Variants in SPRING1 observed in about 807,000 individuals in gnomAD.
SPRING1 encodes the protein SREBP regulating gene protein.
In SPRING1, 14 loss-of-function variants were observed where a neutral mutation model predicts 24.7. The ratio of observed to expected loss-of-function variants is 0.57; its 90% confidence interval spans 0.37 to 0.88. The LOEUF is 0.88. SPRING1 is among the 40% of genes least tolerant of loss of function. The pLI is 0.00. For synonymous variants in SPRING1, 93 were observed against 106.1 expected, an observed-to-expected ratio of 0.88 and a Z score of 0.76; for missense variants, 255 against 268.4, an observed-to-expected ratio of 0.95 and a Z score of 0.35.
In SPRING1 at chr12:116,737,938, A is replaced by C. The variant is rs1871365795; in HGVS notation, c.-38T>G. ...GTGGGGCGCGGCGGCCGGGGCGCGG[A>C]ACGCGGCAGGCCCGGGTCCCGGGCG... On this transcript the variant is annotated 5_prime_UTR_variant, in exon 1 of 5. Coordinates refer to ENST00000261318, the MANE Select transcript of SPRING1 (RefSeq NM_024738.4). 2 of 1,428,914 alleles carry C rather than the reference A, an allele frequency of 1.4e-6. No individual in the cohort carries two copies. Among genetic ancestry groups the C allele is most frequent in the Admixed American group, 2.9e-5 (1 of 34,910 alleles). 88.5% of individuals were successfully genotyped at this position (1,428,914 alleles called of 1,614,324 possible).
chr12:116,713,105 ACCAT>A lies in SPRING1; in HGVS notation c.*4701_*4704del, dbSNP rs1869944707. ...TTCTGTGTCGTGGGGGCTGTTGGGCACCATCCCTGGCCTCCCTCCACGAGTGCCC... is the reference window on the plus strand; with the variant it reads ...TTCTGTGTCGTGGGGGCTGTTGGGCACCCTGGCCTCCCTCCACGAGTGCCC... On this transcript the variant is annotated 3_prime_UTR_variant, in exon 5 of 5. Transcript: ENST00000261318. 6.6e-6 allele frequency: 1 copy of A among 152,120 alleles called. No homozygotes were observed. Among genetic ancestry groups the A allele is most frequent in the Admixed American group, 6.6e-5 (1 of 15,264 alleles). 9.4% of individuals were successfully genotyped at this position (152,120 alleles called of 1,614,324 possible). A position where few individuals can be genotyped will look rare whatever the true frequency, so the allele number is the denominator to read the frequency against.
chr12:116,728,660 A>G lies in SPRING1; in HGVS notation c.112-5437T>C, dbSNP rs945511113. Among the ~76,000 whole-genome samples, 1 of 152,238 alleles carries G rather than the reference A, an allele frequency of 6.6e-6. No individual in the cohort carries two copies. Among genetic ancestry groups the G allele is most frequent in the African/African-American group, 2.4e-5 (1 of 41,464 alleles). On this transcript the variant is annotated intron_variant, in intron 1 of 4. Coordinates refer to ENST00000261318, the MANE Select transcript of SPRING1 (RefSeq NM_024738.4). This position sits in a 1 kb window ranked among gnomAD's most constrained non-coding sequence, Gnocchi z 4.2. ...TCTCACCGCAGCGGAGCTAAGGTGC[A>G]CGGGGAGCTTCACAGTGTTCATAGC...
At chr12:116,734,395 A>G (rs568498129) in intron 1 of SPRING1, among the ~76,000 whole-genome samples, 1 of 152,206 alleles carries the variant, frequency 6.6e-6, no homozygotes, top group Non-Finnish European at 1.5e-5. Flanking sequence ...TGAGCGACGC[A>G]TGACTATAAT....
intron 1 of SPRING1, among the ~76,000 whole-genome samples, chr12:116,724,072 G>A (rs931038625): frequency 2.0e-5 from 3 of 152,074 alleles, no homozygotes; most frequent in African/African-American, 4.8e-5. Context: ...TCTTCTGAAC[G>A]CTTCAGTAAG....
At chr12:116,731,355 G>T (rs910668834) in intron 1 of SPRING1, among the ~76,000 whole-genome samples, 3 of 152,134 alleles carry the variant, frequency 2.0e-5, no homozygotes, top group Non-Finnish European at 1.5e-5. Context: ...TCGTTATTCT[G>T]AAAAGAATTC....
chr12:116,719,537 G>A (rs757030376), intron 4 of SPRING1, among the ~76,000 whole-genome samples: 2 of 152,180 alleles, frequency 1.3e-5, no homozygotes, highest in Non-Finnish European at 2.9e-5. Context: ...TAGAAGAGAT[G>A]CCAGTTGATT....
At position 116,720,493 on chromosome 12, in the gene SPRING1, A is replaced by G. The variant is rs764079620; in HGVS notation, c.269-46T>C. ...TTAGCATAAAACCAGCAGCCTTGCC[A>G]CCTCCCTACCAGGGATGACCATGAA... is the stretch of plus-strand genomic sequence containing the variant. On this transcript the variant is annotated intron_variant, in intron 2 of 4. Transcript: ENST00000261318. The surrounding 1 kb of genome is among the most constrained non-coding windows in gnomAD (Gnocchi z 4.0). The G allele has an allele frequency of 1.2e-6, 2 of 1,603,124 alleles. No homozygotes were observed. Among genetic ancestry groups the G allele is most frequent in the Admixed American group, 3.4e-5 (2 of 59,216 alleles).
At chr12:116,736,754 C>T (rs1167647862) in intron 1 of SPRING1, among the ~76,000 whole-genome samples, 1 of 152,132 alleles carries the variant, frequency 6.6e-6, no homozygotes, top group African/African-American at 2.4e-5. Flanking sequence ...GGTAAGATTT[C>T]CCCACCCGTG....
intron 1 of SPRING1, among the ~76,000 whole-genome samples, chr12:116,731,778 TA>T (rs912617094): frequency 6.6e-6 from 1 of 150,856 alleles, no homozygotes. Flanking sequence ...AAAACCAAGT[TA>T]AAAAAAAACC....
At chr12:116,737,694 A>C in intron 1 of SPRING1, 96 bp downstream of exon 1, 3 of 1,314,256 alleles carry the variant, frequency 2.3e-6, no homozygotes, top group Non-Finnish European at 3.0e-6. Context: ...GGAAGGAAAA[A>C]AGGAGGAAGG....
At chr12:116,725,885 C>CA (rs562256866) in intron 1 of SPRING1, among the ~76,000 whole-genome samples, 2,622 of 122,256 alleles carry the variant, frequency 0.021, 25 homozygotes, top group Middle Eastern at 0.041. Flanking sequence ...GACTCCGTCT[C>CA]AAAAAAAAAA....
chr12:116,719,911 A>G lies in SPRING1; in HGVS notation c.421-35T>C, dbSNP rs1392613875. The G allele has an allele frequency of 4.5e-6, 7 of 1,567,424 alleles. No individual in the cohort carries two copies. The African/African-American group carries it at 8.1e-5, about 18-fold the overall frequency. On this transcript the variant is annotated intron_variant, in intron 3 of 4. Transcript: ENST00000261318. ...CAAAAGTTAGTGCCTGTAATAAATT[A>G]CCTAAGCCAGCACAAGGTGACCTTG...
intron 1 of SPRING1, among the ~76,000 whole-genome samples, chr12:116,725,897 AAG>A (rs1870666660): frequency 6.6e-6 from 1 of 152,188 alleles, no homozygotes. Flanking sequence ...AAAAAAAAAA[AAG>A]AACTTTTCTG....
intron 4 of SPRING1, 128 bp from the exon 5 acceptor site, chr12:116,718,021 C>G: frequency 1.4e-6 from 1 of 690,852 alleles, no homozygotes; most frequent in Non-Finnish European, 2.2e-6. Flanking sequence ...AGTCCATCTC[C>G]AAATGTCACT....
chr12:116,717,774 C>G lies in SPRING1; in HGVS notation c.*36G>C. The G allele has an allele frequency of 7.1e-6, 11 of 1,539,692 alleles. No homozygotes were observed. The highest frequency in any genetic ancestry group is 9.6e-6 in the Non-Finnish European group (11 of 1,140,920). On this transcript the variant is annotated 3_prime_UTR_variant, in exon 5 of 5. Transcript: ENST00000261318. This position sits in a 1 kb window ranked among gnomAD's most constrained non-coding sequence, Gnocchi z 4.2. The stretch of plus-strand genomic sequence containing the variant: ...CAGGAGGCGAGTTCTTCAGCGGGGC[C>G]TCCTCACCCAGGCTGGAGCAAGTCC...
chr12:116,725,429 T>C (rs917798520), intron 1 of SPRING1, among the ~76,000 whole-genome samples: 2 of 152,208 alleles, frequency 1.3e-5, no homozygotes, highest in Non-Finnish European at 2.9e-5. Flanking sequence ...GGAACTACTA[T>C]ACTACAGACT....
Position 116,717,321 on chromosome 12 carries a change from G to C in SPRING1, c.*489C>G, listed in dbSNP as rs998862987. 5 of 152,382 alleles carry C rather than the reference G, an allele frequency of 3.3e-5. No individual in the cohort carries two copies. The highest frequency in any genetic ancestry group is 2.0e-4 in the Admixed American group (3 of 15,284). 9.4% of individuals were successfully genotyped at this position (152,382 alleles called of 1,614,324 possible). On this transcript the variant is annotated 3_prime_UTR_variant, in exon 5 of 5. Transcript: ENST00000261318. This position sits in a 1 kb window ranked among gnomAD's most constrained non-coding sequence, Gnocchi z 4.2. Reference sequence around the variant, plus strand: ...TTAACTCCTGAAACTCGAGAACACAGAACAACAACAAAAATAATTTCCTTG... The same window carrying C: ...TTAACTCCTGAAACTCGAGAACACACAACAACAACAAAAATAATTTCCTTG...
chr12:116,724,491 T>A (rs139727003), intron 1 of SPRING1, among the ~76,000 whole-genome samples: 1 of 152,026 alleles, frequency 6.6e-6, no homozygotes, highest in African/African-American at 2.4e-5. Context: ...CCGAGGCTGG[T>A]GGATCACCTA....
chr12:116,738,064 C>T lies in SPRING1; in HGVS notation c.-164G>A. 9.3e-7 allele frequency: 1 copy of T among 1,077,600 alleles called. No homozygotes were observed. Among genetic ancestry groups the T allele is most frequent in the Non-Finnish European group, 1.1e-6 (1 of 891,236 alleles). 66.8% of individuals were successfully genotyped at this position (1,077,600 alleles called of 1,614,324 possible). A position where few individuals can be genotyped will look rare whatever the true frequency, so the allele number is the denominator to read the frequency against. ...CCCGGCAGCCTTGGGCGCAGCCCCA[C>T]GTGACCCCGCCCTACGCCCCGCCTC... On this transcript the variant is annotated 5_prime_UTR_variant, in exon 1 of 5. In the 5' UTR this introduces an upstream ATG that the reference lacks. Transcript: ENST00000261318.
Sources: gnomAD v4.1 joint callset for allele counts (sites outside exome capture counted in the v4.1 genomes callset) on GRCh38, gnomAD v4.1.1 for gene constraint, Gnocchi (gnomAD v3.1) non-coding constraint, MANE v1.5 for transcripts, NCBI Gene and HGNC (gene_info 2026-07-23, HGNC 2026-07-21) for gene names.